PHF14: variants seen among roughly 807,000 people sequenced by gnomAD.
The protein encoded by PHF14 is PHD finger protein 14.
In PHF14, 55 loss-of-function variants were observed where a neutral mutation model predicts 117.9. The ratio of observed to expected loss-of-function variants is 0.47; its 90% CI spans 0.38 to 0.58. The LOEUF (loss-of-function observed/expected upper bound fraction) is 0.58. PHF14 is among the 20% of genes least tolerant of loss of function. The pLI, the probability that PHF14 is intolerant of heterozygous loss-of-function variation, is 0.00. For synonymous variants in PHF14, 409 were observed against 368.6 expected (o/e 1.11, Z -1.26); for missense variants, 978 against 1,122.2 (o/e 0.87, Z 1.84).
chr7:11,105,251 C>A (rs983907841), intron 16 of PHF14: 1 of 956,672 alleles, frequency 1.0e-6, no homozygotes, highest in Non-Finnish European at 1.2e-6. Flanking sequence ...CATTGTCATT[C>A]GTTGTTGCTT....
intron 17 of PHF14, among the ~76,000 whole-genome samples, chr7:11,120,557 T>C (rs956735047): frequency 2.0e-5 from 3 of 152,040 alleles, no homozygotes; most frequent in African/African-American, 7.2e-5. Context: ...TTGTTATAAT[T>C]TCTTGGTAGC....
Position 11,130,322 on chromosome 7 carries a change from C to T in PHF14, c.2772+18855C>T, listed in dbSNP as rs1261640884. Reference sequence around the variant, plus strand: ...CCATATGCTACCATACTTCCAAGACCTTTCTGGGATTCATTCCAGGATTCA... The same window carrying T: ...CCATATGCTACCATACTTCCAAGACTTTTCTGGGATTCATTCCAGGATTCA... On this transcript the variant is annotated intron_variant, in intron 17 of 17. Coordinates refer to ENST00000634607, the MANE Select transcript of PHF14 (RefSeq NM_001007157.2). The surrounding 1 kb of genome is among the most constrained non-coding windows in gnomAD (Gnocchi z 4.2). 6.6e-6 allele frequency among the ~76,000 whole-genome samples: 1 copy of T among 151,918 alleles called. No individual in the cohort carries two copies. Among genetic ancestry groups the T allele is most frequent in the Non-Finnish European group, 1.5e-5 (1 of 67,922 alleles).
intron 16 of PHF14, among the ~76,000 whole-genome samples, chr7:11,099,199 T>TAGACACATGGAATGGCTAACCTGTCTA (rs1364411625): frequency 6.6e-6 from 1 of 152,180 alleles, no homozygotes; most frequent in East Asian, 1.9e-4. Flanking sequence ...CTGATCTTGT[T>TAGACACATGGAATGGCTAACCTGTCTA]AGACACATGG....
At chr7:11,111,908 T>A (rs200697724) in intron 17 of PHF14, among the ~76,000 whole-genome samples, 8 of 148,092 alleles carry the variant, frequency 5.4e-5, no homozygotes, top group South Asian at 2.1e-4. Context: ...TCTGTTCCTT[T>A]AAAAAAAAAA....
At chr7:11,018,768 C>G (rs1466393786) in intron 5 of PHF14, among the ~76,000 whole-genome samples, 2 of 152,136 alleles carry the variant, frequency 1.3e-5, no homozygotes, top group Admixed American at 6.5e-5. Context: ...GCTAGGGCTT[C>G]CAGTACTATG....
At chr7:11,005,993 C>T (rs1476752034) in intron 4 of PHF14, among the ~76,000 whole-genome samples, 1 of 151,950 alleles carries the variant, frequency 6.6e-6, no homozygotes, top group Non-Finnish European at 1.5e-5. Flanking sequence ...GGGGTTTCAC[C>T]ATGTTGGCCA....
At chr7:11,137,687 G>A (rs1276419723) in intron 17 of PHF14, among the ~76,000 whole-genome samples, 3 of 146,890 alleles carry the variant, frequency 2.0e-5, no homozygotes, top group Admixed American at 7.0e-5. Flanking sequence ...CCAGGTTCAA[G>A]CGATTCTCCT....
At chr7:11,115,979 A>G (rs1264684201) in intron 17 of PHF14, among the ~76,000 whole-genome samples, 1 of 152,020 alleles carries the variant, frequency 6.6e-6, no homozygotes, top group East Asian at 1.9e-4. Context: ...TAATGATGTT[A>G]TATCTTAGGA....
chr7:11,083,705 C>A (rs529079916), intron 16 of PHF14, among the ~76,000 whole-genome samples: 10 of 152,044 alleles, frequency 6.6e-5, no homozygotes, highest in African/African-American at 2.4e-4. Context: ...TCGTGACCCA[C>A]CCCCTTGGCC....
chr7:11,114,357 A>T (rs1787531648), intron 17 of PHF14, among the ~76,000 whole-genome samples: 1 of 152,126 alleles, frequency 6.6e-6, no homozygotes, highest in Non-Finnish European at 1.5e-5. Flanking sequence ...GCAGCTATTT[A>T]TATATTACTT....
At chr7:11,010,898 T>C (rs1783331740) in intron 4 of PHF14, among the ~76,000 whole-genome samples, 1 of 152,140 alleles carries the variant, frequency 6.6e-6, no homozygotes, top group Non-Finnish European at 1.5e-5. Context: ...CAAGCGATCA[T>C]CCTGCCTCAG....
Position 11,086,935 on chromosome 7 carries a change from C to T in PHF14, c.2655-24415C>T, listed in dbSNP as rs183919806. On this transcript the variant is annotated intron_variant, in intron 16 of 17. Transcript: ENST00000634607. ...AGTACCTATTTCACTGAAATCTCTGCGTTATCTTTAATCTAAAAATATGTA... is the reference window on the plus strand; with the variant it reads ...AGTACCTATTTCACTGAAATCTCTGTGTTATCTTTAATCTAAAAATATGTA... Among the ~76,000 whole-genome samples, 404 of 152,120 alleles carry T rather than the reference C, an allele frequency of 2.7e-3. 1 individual carries two copies. The highest frequency in any genetic ancestry group is 3.1e-3 in the Non-Finnish European group (208 of 67,998).
chr7:10,994,197 G>A (rs1279648999), intron 4 of PHF14, among the ~76,000 whole-genome samples: 2 of 152,160 alleles, frequency 1.3e-5, no homozygotes, highest in East Asian at 1.9e-4. Context: ...CCAGCACTTT[G>A]GGAGGCCGAG....
intron 3 of PHF14, among the ~76,000 whole-genome samples, chr7:10,985,474 A>G (rs1461426510): frequency 6.6e-6 from 1 of 152,028 alleles, no homozygotes; most frequent in Non-Finnish European, 1.5e-5. Flanking sequence ...TAGCAAAATA[A>G]TGACCTGAAA....
At chr7:11,122,442 C>CAT (rs1554275358) in intron 17 of PHF14, among the ~76,000 whole-genome samples, 34 of 102,768 alleles carry the variant, frequency 3.3e-4, no homozygotes, top group East Asian at 1.0e-3. Flanking sequence ...TATATATATA[C>CAT]GTATATATAT....
At chr7:11,096,257 G>A (rs749048824) in intron 16 of PHF14, among the ~76,000 whole-genome samples, 7 of 151,966 alleles carry the variant, frequency 4.6e-5, no homozygotes, top group Non-Finnish European at 8.8e-5. Context: ...AGATCATCCT[G>A]CATAATTACT....
At chr7:11,038,423 T>TC (rs1242183169) in intron 10 of PHF14, among the ~76,000 whole-genome samples, 1 of 121,724 alleles carries the variant, frequency 8.2e-6, no homozygotes, top group Non-Finnish European at 1.6e-5. Context: ...AGAGTGAGAC[T>TC]CCATCTCAAA....
At chr7:11,018,522 C>A (rs551141505) in intron 5 of PHF14, among the ~76,000 whole-genome samples, 10 of 152,192 alleles carry the variant, frequency 6.6e-5, no homozygotes, top group African/African-American at 2.4e-4. Flanking sequence ...AATGCCATTA[C>A]TTTTAAAATT....
At chr7:11,132,761 AT>A (rs1788123703) in intron 17 of PHF14, among the ~76,000 whole-genome samples, 1 of 151,738 alleles carries the variant, frequency 6.6e-6, no homozygotes. Flanking sequence ...CCTCACCAAC[AT>A]TTGTTATCTT....
Sources: gnomAD v4.1 joint callset for allele counts (sites outside exome capture counted in the v4.1 genomes callset) on GRCh38, gnomAD v4.1.1 for gene constraint, Gnocchi (gnomAD v3.1) non-coding constraint, MANE v1.5 for transcripts, NCBI Gene and HGNC (gene_info 2026-07-23, HGNC 2026-07-21) for gene names.